Variants in NEK11 observed in about 807,000 individuals in gnomAD.
NEK11 encodes serine/threonine-protein kinase Nek11.
Under a neutral mutation model 80.7 loss-of-function variants are expected in NEK11, and 72 were observed. The ratio of observed to expected loss-of-function variants is 0.89; its 90% CI spans 0.74 to 1.08. The LOEUF is 1.08. Ranked by LOEUF, NEK11 falls within the 50% of genes least tolerant of loss-of-function variation. The pLI, the probability that NEK11 is intolerant of heterozygous loss-of-function variation, is 0.00. For missense variants in NEK11, 764 were observed against 763.6 expected, an observed-to-expected ratio of 1.00 and a Z score of -0.01; for synonymous variants, 251 against 260.7, an observed-to-expected ratio of 0.96 and a Z score of 0.36.
intron 3 of NEK11, among the ~76,000 whole-genome samples, chr3:131,039,211 C>T (rs1022521192): frequency 2.0e-5 from 3 of 151,786 alleles, no homozygotes; most frequent in South Asian, 2.1e-4. Context: ...CTTTTTTCAT[C>T]GAGATGTTTT....
chr3:131,203,793 A>G (rs1413525137), intron 14 of NEK11, among the ~76,000 whole-genome samples: 25 of 8,532 alleles, frequency 2.9e-3, no homozygotes, highest in South Asian at 0.011. Context: ...ATATATATAT[A>G]TATATATATA....
chr3:131,243,833 A>G (rs1193097437), intron 16 of NEK11, among the ~76,000 whole-genome samples: 1 of 152,118 alleles, frequency 6.6e-6, no homozygotes, highest in African/African-American at 2.4e-5. Context: ...AGAAGCAGAG[A>G]GCACAGTACA....
chr3:131,147,045 T>C (rs1024407481), intron 7 of NEK11, among the ~76,000 whole-genome samples: 4 of 152,152 alleles, frequency 2.6e-5, no homozygotes, highest in Non-Finnish European at 5.9e-5. Context: ...ATGAAGTTCA[T>C]TTTATAAGTT....
intron 7 of NEK11, among the ~76,000 whole-genome samples, chr3:131,134,530 AGC>A (rs2085153106): frequency 1.3e-5 from 2 of 151,342 alleles, no homozygotes; most frequent in South Asian, 4.2e-4. Context: ...CCTCCCTAGT[AGC>A]TGGGACTACA....
chr3:131,145,550 A>G (rs2088002107), intron 7 of NEK11, among the ~76,000 whole-genome samples: 1 of 152,114 alleles, frequency 6.6e-6, no homozygotes, highest in South Asian at 2.1e-4. Context: ...GTGATTTTTA[A>G]AAGTGAATTA....
At position 131,338,076 on chromosome 3, in the gene NEK11, C is replaced by G. The variant is rs527298982; in HGVS notation, c.1719-11481C>G. ...CCACCTCCTGGGTTCAAGCAATTCT[C>G]CTGCCTCAGCCTCCCGAGTAGCTGG... On this transcript the variant is annotated intron_variant, in intron 17 of 17. Transcript: ENST00000383366. Among the ~76,000 whole-genome samples the G allele has an allele frequency of 1.0e-3, 159 of 152,186 alleles. 1 individual carries two copies. Among genetic ancestry groups the G allele is most frequent in the Middle Eastern group, 6.8e-3 (2 of 292 alleles).
intron 14 of NEK11, among the ~76,000 whole-genome samples, chr3:131,227,383 T>C (rs2095230294): frequency 6.6e-6 from 1 of 152,174 alleles, no homozygotes; most frequent in Non-Finnish European, 1.5e-5. Flanking sequence ...TGCATACCGA[T>C]GCTTTCATGA....
chr3:131,289,718 C>G (rs1403422772), intron 17 of NEK11, among the ~76,000 whole-genome samples: 3 of 152,174 alleles, frequency 2.0e-5, no homozygotes, highest in African/African-American at 7.2e-5. Context: ...CAGTTCCAGA[C>G]CTGCCAGCAG....
chr3:131,202,203 A>C (rs972105637), intron 14 of NEK11, among the ~76,000 whole-genome samples: 1 of 152,142 alleles, frequency 6.6e-6, no homozygotes, highest in African/African-American at 2.4e-5. Flanking sequence ...TGATTTCTGC[A>C]TTTCCAACTG....
At chr3:131,222,098 C>G (rs1434439833) in intron 14 of NEK11, among the ~76,000 whole-genome samples, 1 of 152,070 alleles carries the variant, frequency 6.6e-6, no homozygotes, top group Admixed American at 6.6e-5. Flanking sequence ...CCCTTGTTGT[C>G]TAATATCTTT....
chr3:131,256,051 G>A (rs201716138), intron 16 of NEK11, among the ~76,000 whole-genome samples: 90 of 152,258 alleles, frequency 5.9e-4, no homozygotes, highest in Non-Finnish European at 1.1e-3. Context: ...CCAAAGGCTG[G>A]GAAGGAGAGA....
chr3:131,289,941 C>T (rs2108959437), intron 17 of NEK11, among the ~76,000 whole-genome samples: 1 of 152,318 alleles, frequency 6.6e-6, no homozygotes, highest in East Asian at 1.9e-4. Context: ...AGACAGAACT[C>T]TGATTTCTTA....
chr3:131,200,207 G>T (rs1453020783), intron 14 of NEK11, among the ~76,000 whole-genome samples: 2 of 152,140 alleles, frequency 1.3e-5, no homozygotes, highest in Non-Finnish European at 2.9e-5. Flanking sequence ...CATCTTCTGT[G>T]TACTGAAAGA....
chr3:131,224,832 ACTATCTC>A (rs2107725036), intron 14 of NEK11, among the ~76,000 whole-genome samples: 2 of 152,344 alleles, frequency 1.3e-5, no homozygotes, highest in South Asian at 4.1e-4. Flanking sequence ...ATGCTTATTG[ACTATCTC>A]CTAGTTAGGA....
intron 3 of NEK11, among the ~76,000 whole-genome samples, chr3:131,077,608 A>C (rs186381010): frequency 6.6e-6 from 1 of 152,304 alleles, no homozygotes; most frequent in East Asian, 1.9e-4. Flanking sequence ...TAGAGCATTT[A>C]TTCCTTCACA....
chr3:131,050,068 G>A (rs2068106080), intron 3 of NEK11, among the ~76,000 whole-genome samples: 1 of 152,316 alleles, frequency 6.6e-6, no homozygotes, highest in Non-Finnish European at 1.5e-5. Flanking sequence ...TAATGGGGGG[G>A]TGTCCCCTCA....
chr3:131,309,852 G>C (rs1374772985), intron 17 of NEK11, among the ~76,000 whole-genome samples: 1 of 151,628 alleles, frequency 6.6e-6, no homozygotes, highest in Non-Finnish European at 1.5e-5. Flanking sequence ...AATCAAGCTT[G>C]GTGGCACATG....
chr3:131,088,184 G>C (rs1017693870), intron 4 of NEK11: 1 of 152,164 alleles, frequency 6.6e-6, no homozygotes, highest in Non-Finnish European at 1.5e-5. Context: ...TCAATTCTAT[G>C]GGTCTAGATT....
intron 16 of NEK11, among the ~76,000 whole-genome samples, chr3:131,264,121 T>A (rs2095995845): frequency 6.6e-6 from 1 of 152,246 alleles, no homozygotes; most frequent in Non-Finnish European, 1.5e-5. Context: ...TAGCCCTTTG[T>A]CAGATGAGTA....
Sources: gnomAD v4.1 joint callset for allele counts (sites outside exome capture counted in the v4.1 genomes callset) on GRCh38, gnomAD v4.1.1 for gene constraint, MANE v1.5 for transcripts, NCBI Gene and HGNC (gene_info 2026-07-23, HGNC 2026-07-21) for gene names.